The following TGFA variants were observed in gnomAD, a reference collection of about 807,000 sequenced individuals.
TGFA encodes the protein transforming growth factor alpha.
Under a neutral mutation model 21.7 loss-of-function variants are expected in TGFA, and 12 were observed. The ratio of observed to expected loss-of-function variants is 0.55; its 90% confidence interval spans 0.35 to 0.90. TGFA has a LOEUF of 0.90. Ranked by LOEUF, TGFA falls within the 40% of genes least tolerant of loss-of-function variation. The pLI, the probability that TGFA is intolerant of heterozygous loss-of-function variation, is 0.01. For missense variants in TGFA, 178 were observed against 210.8 expected (o/e 0.84, Z 0.96); for synonymous variants, 79 against 88.1 (o/e 0.90, Z 0.58).
intron 2 of TGFA, among the ~76,000 whole-genome samples, chr2:70,470,908 A>T (rs1670723299): frequency 6.6e-6 from 1 of 152,208 alleles, no homozygotes; most frequent in Non-Finnish European, 1.5e-5. Flanking sequence ...AACTTTTTCA[A>T]AAGTTTCAAG....
chr2:70,523,993 A>T (rs1672555488), intron 1 of TGFA, among the ~76,000 whole-genome samples: 1 of 152,146 alleles, frequency 6.6e-6, no homozygotes, highest in Non-Finnish European at 1.5e-5. Flanking sequence ...CAACTAAATA[A>T]AAAAGGCACA....
intron 1 of TGFA, among the ~76,000 whole-genome samples, chr2:70,525,604 C>G (rs1672608883): frequency 6.6e-6 from 1 of 152,116 alleles, no homozygotes; most frequent in African/African-American, 2.4e-5. Context: ...TCCTTGGGCC[C>G]CAGAAGCAAG....
At chr2:70,509,352 G>A (rs1265027833) in intron 2 of TGFA, among the ~76,000 whole-genome samples, 1 of 152,164 alleles carries the variant, frequency 6.6e-6, no homozygotes, top group Non-Finnish European at 1.5e-5. Flanking sequence ...TTCCAAACAA[G>A]TAAAGCCTTC....
At chr2:70,514,438 T>A (rs1189448264) in intron 2 of TGFA, among the ~76,000 whole-genome samples, 6 of 150,652 alleles carry the variant, frequency 4.0e-5, no homozygotes, top group Non-Finnish European at 8.8e-5. Context: ...TTTTTTTTTT[T>A]TACTATAAGT....
chr2:70,551,194 A>G (rs1673495263), intron 1 of TGFA, among the ~76,000 whole-genome samples: 1 of 152,198 alleles, frequency 6.6e-6, no homozygotes, highest in Admixed American at 6.5e-5. Context: ...CAAGGCATAG[A>G]AAAGCTAAGT....
At chr2:70,507,962 C>A (rs536429181) in intron 2 of TGFA, among the ~76,000 whole-genome samples, 2 of 152,328 alleles carry the variant, frequency 1.3e-5, no homozygotes, top group Non-Finnish European at 2.9e-5. Context: ...ACCAAGAGGC[C>A]ATTTGCATTT....
chr2:70,553,276 G>A, intron 1 of TGFA: 2 of 1,534,474 alleles, frequency 1.3e-6, no homozygotes, highest in East Asian at 2.4e-5. Flanking sequence ...GGTGGGCAGG[G>A]GGTGCCAAAG....
intron 2 of TGFA, among the ~76,000 whole-genome samples, chr2:70,484,424 G>A (rs1292888374): frequency 6.6e-6 from 1 of 152,140 alleles, no homozygotes; most frequent in East Asian, 1.9e-4. Context: ...TTTAACTTTT[G>A]ATATCCCGAT....
chr2:70,457,518 C>T (rs1286907068), intron 3 of TGFA, among the ~76,000 whole-genome samples: 3 of 151,562 alleles, frequency 2.0e-5, no homozygotes, highest in African/African-American at 7.3e-5. Flanking sequence ...AATCTAAGAT[C>T]GCCACTTCCT....
chr2:70,504,469 C>CATATATATATATATATATATAA (rs1230209696), intron 2 of TGFA, among the ~76,000 whole-genome samples: 1 of 80,628 alleles, frequency 1.2e-5, no homozygotes, highest in Non-Finnish European at 2.6e-5. Flanking sequence ...TATATACACA[C>CATATATATATATATATATATAA]ATACATACAT....
intron 5 of TGFA, among the ~76,000 whole-genome samples, chr2:70,452,707 C>T (rs904678092): frequency 4.6e-5 from 7 of 152,204 alleles, no homozygotes; most frequent in Admixed American, 2.6e-4. Flanking sequence ...TTTGGGAGGC[C>T]GAGGCAGGCA....
At chr2:70,502,485 G>T (rs1553499307) in intron 2 of TGFA, among the ~76,000 whole-genome samples, 2 of 152,132 alleles carry the variant, frequency 1.3e-5, no homozygotes, top group African/African-American at 4.8e-5. Flanking sequence ...GATTACAGGT[G>T]TGAGTCACCA....
intron 1 of TGFA, among the ~76,000 whole-genome samples, chr2:70,551,663 A>T (rs1673513013): frequency 1.3e-5 from 2 of 152,186 alleles, no homozygotes; most frequent in Admixed American, 1.3e-4. Flanking sequence ...TTTTAAAGAC[A>T]TATAAATAAA....
At chr2:70,543,575 A>G (rs1553505466) in intron 1 of TGFA, among the ~76,000 whole-genome samples, 1 of 152,052 alleles carries the variant, frequency 6.6e-6, no homozygotes, top group African/African-American at 2.4e-5. Flanking sequence ...GGCCACAGAT[A>G]CAAAAAATGT....
At chr2:70,497,791 C>T (rs1257173265) in intron 2 of TGFA, among the ~76,000 whole-genome samples, 1 of 152,208 alleles carries the variant, frequency 6.6e-6, no homozygotes, top group African/African-American at 2.4e-5. Context: ...GAACCTATGT[C>T]ACAGCTATCC....
rs1390417911 is a variant in TGFA at position 70,502,779 on chromosome 2, C to T, written c.94+12080G>A. Among the ~76,000 whole-genome samples, 4 of 152,162 alleles carry T rather than the reference C, an allele frequency of 2.6e-5. No homozygotes were observed. The East Asian group carries it at 7.7e-4, about 29-fold the overall frequency. ...ACCATTTCTTACTTGAATGTTATTGCTTTCTGTCTTTGTAAATCTAAATGA... is the reference window on the plus strand; with the variant it reads ...ACCATTTCTTACTTGAATGTTATTGTTTTCTGTCTTTGTAAATCTAAATGA... On this transcript the variant is annotated intron_variant, in intron 2 of 5. Transcript: ENST00000295400.
At chr2:70,551,001 ACT>A (rs1172382632) in intron 1 of TGFA, among the ~76,000 whole-genome samples, 3 of 152,136 alleles carry the variant, frequency 2.0e-5, no homozygotes, top group Admixed American at 2.0e-4. Flanking sequence ...AAACCTACAA[ACT>A]CTCCCAGTTA....
In TGFA at chr2:70,448,116, A is replaced by G. The variant is rs1669936441; in HGVS notation, c.*2743T>C. On this transcript the variant is annotated 3_prime_UTR_variant, in exon 6 of 6. Coordinates refer to ENST00000295400, the MANE Select transcript of TGFA (RefSeq NM_003236.4). ...CATTCTGCCCATCTCTCCTGCGGGG[A>G]CACAATGGCCAGCCCATCCCTGGCT... 6.6e-6 allele frequency: 1 copy of G among 152,068 alleles called. No homozygotes were observed. Among genetic ancestry groups the G allele is most frequent in the African/African-American group, 2.4e-5 (1 of 41,394 alleles). 9.4% of individuals were successfully genotyped at this position (152,068 alleles called of 1,614,324 possible).
At chr2:70,465,100 G>T (rs1553491966) in intron 3 of TGFA, among the ~76,000 whole-genome samples, 3 of 152,188 alleles carry the variant, frequency 2.0e-5, no homozygotes, top group Non-Finnish European at 1.5e-5. Flanking sequence ...AGACCACCAT[G>T]CATGTCCTGC....
Sources: allele counts gnomAD v4.1 joint callset (sites outside exome capture counted in the v4.1 genomes callset), GRCh38; gene constraint gnomAD v4.1.1; transcripts MANE v1.5; gene names NCBI Gene and HGNC (gene_info 2026-07-23, HGNC 2026-07-21).